Variants in TMEM40 observed in about 807,000 individuals in gnomAD.
The protein encoded by TMEM40 is transmembrane protein 40.
In TMEM40, 34 loss-of-function variants were observed where a neutral mutation model predicts 40.8. That is an observed-to-expected ratio of 0.83 (90% confidence interval 0.63 to 1.11). The LOEUF (loss-of-function observed/expected upper bound fraction) is 1.11. Among genes scored for constraint, TMEM40 ranks in the 50% least tolerant of loss-of-function variants. The pLI, the probability that TMEM40 is intolerant of heterozygous loss-of-function variation, is 0.00. For synonymous variants in TMEM40, 106 were observed against 107.0 expected (o/e 0.99, Z 0.06); for missense variants, 296 against 280.2 (o/e 1.06, Z -0.40).
chr3:12,746,837 G>A (rs1020629096), intron 3 of TMEM40, among the ~76,000 whole-genome samples: 2 of 152,098 alleles, frequency 1.3e-5, no homozygotes, highest in South Asian at 4.1e-4. Flanking sequence ...TCACATGGGG[G>A]ACATTTTCGG....
intron 1 of TMEM40, among the ~76,000 whole-genome samples, chr3:12,757,253 T>C (rs1016543804): frequency 5.9e-5 from 9 of 152,094 alleles, no homozygotes; most frequent in Non-Finnish European, 1.2e-4. Context: ...GCGGATCACC[T>C]GAGGTCGGGA....
chr3:12,752,101 G>GT (rs991593753), intron 1 of TMEM40, among the ~76,000 whole-genome samples: 1 of 152,010 alleles, frequency 6.6e-6, no homozygotes, highest in Non-Finnish European at 1.5e-5. Flanking sequence ...CCTAGCTTTT[G>GT]TTTTTTTGAC....
rs530745103 is a variant in TMEM40, at chr3:12,765,566, CTTT to C, written c.-9+3682_-9+3684del. Among the ~76,000 whole-genome samples, 1,213 of 125,692 alleles carry C rather than the reference CTTT, an allele frequency of 9.7e-3. 12 individuals carry two copies. Among genetic ancestry groups the C allele is most frequent in the African/African-American group, 0.034 (1,125 of 33,298 alleles). 82.5% of individuals were successfully genotyped at this position (125,692 alleles called of 152,430 possible). ...CTAAAGAAAAATGGCTGTTTGATTA[CTTT>C]TTTTTTTTTTTTTTTTGAGACGGAG... On this transcript the variant is annotated intron_variant, in intron 1 of 11. Coordinates refer to the TMEM40 transcript ENST00000264728.
intron 1 of TMEM40, among the ~76,000 whole-genome samples, chr3:12,758,059 ATC>A (rs2061542065): frequency 6.6e-6 from 1 of 150,542 alleles, no homozygotes; most frequent in African/African-American, 2.5e-5. Flanking sequence ...ATCTCAGTAA[ATC>A]TGTTATTTAA....
intron 6 of TMEM40, 60 bp from the exon 7 acceptor site, chr3:12,738,228 TC>T: frequency 6.3e-7 from 1 of 1,598,338 alleles, no homozygotes; most frequent in East Asian, 2.2e-5. Context: ...AACAGGTGCC[TC>T]CACCCTGGGG....
chr3:12,748,714 G>T lies in TMEM40; in HGVS notation c.152C>A (p.Ser51Tyr). ...SQEQYERNKS[S>Y]SSSSSSSSSS... ...TGAGGAGGAAGAGGAGGAGGAGGAA[G>T]AAGACTTGTTTCTCTCATATTGTTC... is the stretch of plus-strand genomic sequence containing the variant. The change falls in exon 3 of 12, where the codon TCT becomes TAT. Residue 51 changes from serine to tyrosine, a missense_variant. By Grantham distance (144) the Ser-to-Tyr change is moderately radical (BLOSUM62 -2). Transcript: ENST00000314124. 6.2e-7 allele frequency: 1 copy of T among 1,614,112 alleles called. No homozygotes were observed. The highest frequency in any genetic ancestry group is 8.5e-7 in the Non-Finnish European group (1 of 1,180,008).
At chr3:12,752,526 C>T (rs557545351) in intron 1 of TMEM40, among the ~76,000 whole-genome samples, 7 of 152,136 alleles carry the variant, frequency 4.6e-5, no homozygotes, top group East Asian at 1.9e-4. Context: ...CGGCCGGGCG[C>T]GGTGGTTCAT....
intron 2 of TMEM40, 147 bp downstream of exon 2, chr3:12,749,613 T>C: frequency 3.0e-6 from 2 of 664,050 alleles, no homozygotes; most frequent in Non-Finnish European, 5.3e-6. Context: ...TGTGTGTGCA[T>C]GTGTGTAAAA....
At chr3:12,737,833 GAATT>G in intron 7 of TMEM40, 79 bp from the exon 8 acceptor site, 4 of 1,392,692 alleles carry the variant, frequency 2.9e-6, no homozygotes, top group Non-Finnish European at 4.1e-6. Flanking sequence ...GCCTCATTGA[GAATT>G]AATATCCTGG....
intron 5 of TMEM40, among the ~76,000 whole-genome samples, chr3:12,741,867 G>A (rs1420885029): frequency 1.3e-5 from 2 of 152,140 alleles, no homozygotes; most frequent in Non-Finnish European, 2.9e-5. Context: ...GGCCAAGGCC[G>A]GAGGATCACT....
At chr3:12,755,404 G>A (rs1486197626) in intron 1 of TMEM40, among the ~76,000 whole-genome samples, 1 of 151,682 alleles carries the variant, frequency 6.6e-6, no homozygotes, top group East Asian at 1.9e-4. Context: ...GCCTCCCAAA[G>A]TGTTGGGACT....
At chr3:12,735,791 C>T (rs547301275) in intron 10 of TMEM40, among the ~76,000 whole-genome samples, 174 bp from the exon 11 acceptor site, 4 of 152,332 alleles carry the variant, frequency 2.6e-5, no homozygotes, top group East Asian at 1.9e-4. Flanking sequence ...ACAACAACCA[C>T]GAACAGCAGA....
chr3:12,749,214 C>G (rs1396844166), intron 2 of TMEM40, among the ~76,000 whole-genome samples: 1 of 151,944 alleles, frequency 6.6e-6, no homozygotes, highest in Non-Finnish European at 1.5e-5. Context: ...TTAGTAGAGA[C>G]GGGGTTTCAC....
rs561598572 is a variant in TMEM40, at chr3:12,753,483, C to T, written c.-8-3643G>A. Among the ~76,000 whole-genome samples, 62 of 152,134 alleles carry T rather than the reference C, an allele frequency of 4.1e-4. 2 individuals carry two copies. In the South Asian group the frequency reaches 9.1e-3, roughly 22 times the overall value. The stretch of plus-strand genomic sequence containing the variant: ...AAGTGATCCTCCCGCCTTGGTCTCC[C>T]GAAGTGCTGACGTTACAGGCATGAG... On this transcript the variant is annotated intron_variant, in intron 1 of 11. Transcript: ENST00000314124.
At chr3:12,755,747 G>A (rs1374513884) in intron 1 of TMEM40, among the ~76,000 whole-genome samples, 2 of 152,166 alleles carry the variant, frequency 1.3e-5, no homozygotes, top group African/African-American at 4.8e-5. Context: ...GCTCCCAGAG[G>A]CCAGTGGGGA....
At chr3:12,763,497 A>C (rs1016392184), upstream of TMEM40, among the ~76,000 whole-genome samples, 1 of 152,156 alleles carries the variant, frequency 6.6e-6, no homozygotes, top group Non-Finnish European at 1.5e-5. Flanking sequence ...ACAACCTCCT[A>C]CTGTCCTGTG....
Position 12,758,586 on chromosome 3 carries a change from C to T in TMEM40, c.-9+605G>A, listed in dbSNP as rs374599754. ...CCCCAACAGGCAGCAGGGCCCCCTC[C>T]CCATGGCCCAGCTCTCTGGCATATC... On this transcript the variant is annotated intron_variant, in intron 1 of 11. Transcript: ENST00000314124. Among the ~76,000 whole-genome samples, 83 of 152,284 alleles carry T rather than the reference C, an allele frequency of 5.5e-4. 2 individuals are homozygous for T. The East Asian group carries it at 0.013, about 23-fold the overall frequency.
intron 1 of TMEM40, among the ~76,000 whole-genome samples, chr3:12,754,575 A>ATGTGC (rs897672132): frequency 6.6e-6 from 1 of 152,236 alleles, no homozygotes; most frequent in African/African-American, 2.4e-5. Flanking sequence ...CTTAGGTGAC[A>ATGTGC]TTAACAGAAG....
intron 1 of TMEM40, among the ~76,000 whole-genome samples, chr3:12,752,040 A>G (rs1301667404): frequency 1.3e-5 from 2 of 152,058 alleles, no homozygotes; most frequent in African/African-American, 4.8e-5. Flanking sequence ...TGCCTAAACA[A>G]TACCCATCAA....
Sources: allele counts gnomAD v4.1 joint callset (sites outside exome capture counted in the v4.1 genomes callset), GRCh38; gene constraint gnomAD v4.1.1; transcripts MANE v1.5; gene names NCBI Gene and HGNC (gene_info 2026-07-23, HGNC 2026-07-21).